LRRC4C: variants seen among roughly 807,000 people sequenced by gnomAD.
LRRC4C encodes the protein leucine-rich repeat-containing protein 4C.
In LRRC4C, 5 loss-of-function variants were observed where a neutral mutation model predicts 33.6. That is an observed-to-expected ratio of 0.15 (90% CI 0.08 to 0.31). LRRC4C has a LOEUF of 0.31. Among genes scored for constraint, LRRC4C ranks in the 10% least tolerant of loss-of-function variants. The pLI, the probability that LRRC4C is intolerant of heterozygous loss-of-function variation, is 1.00. For synonymous variants in LRRC4C, 329 were observed against 302.0 expected (o/e 1.09, Z -0.93); for missense variants, 560 against 796.7 (o/e 0.70, Z 3.58).
Position 40,493,570 on chromosome 11 carries a change from T to C in LRRC4C, c.-270+154572A>G, listed in dbSNP as rs146101153. 6.7e-3 allele frequency among the ~76,000 whole-genome samples: 1,016 copies of C among 152,178 alleles called. 6 individuals carry two copies. The highest frequency in any genetic ancestry group is 0.019 in the African/African-American group (809 of 41,540). ...GAGTAAAGGTAAAAAAAAAATTGTG[T>C]GATTGATGTGTACTCAGAATTGTTC... On this transcript the variant is annotated intron_variant, in intron 3 of 6. Coordinates refer to ENST00000528697, the MANE Select transcript of LRRC4C (RefSeq NM_001258419.2).
chr11:40,835,909 T>C (rs1358773093), intron 2 of LRRC4C, among the ~76,000 whole-genome samples: 1 of 152,200 alleles, frequency 6.6e-6, no homozygotes, highest in African/African-American at 2.4e-5. Context: ...TGTATCTTGT[T>C]AGTTTTGGTC....
At chr11:41,224,654 T>C (rs1947451365) in intron 1 of LRRC4C, among the ~76,000 whole-genome samples, 1 of 152,164 alleles carries the variant, frequency 6.6e-6, no homozygotes, top group South Asian at 2.1e-4. Flanking sequence ...TCCCAGTTGG[T>C]TTTGGAAATA....
intron 1 of LRRC4C, among the ~76,000 whole-genome samples, chr11:41,252,893 C>T (rs760572252): frequency 1.1e-4 from 17 of 152,168 alleles, no homozygotes; most frequent in Non-Finnish European, 1.6e-4. Flanking sequence ...AAGAACAGCA[C>T]GTGAAAGATC....
chr11:40,970,166 C>T (rs554114975), intron 1 of LRRC4C, among the ~76,000 whole-genome samples: 76 of 152,258 alleles, frequency 5.0e-4, no homozygotes, highest in Non-Finnish European at 8.4e-4. Flanking sequence ...GAACCTCAAA[C>T]CAAGAGATGG....
At chr11:40,447,400 G>T (rs1210223787) in intron 3 of LRRC4C, among the ~76,000 whole-genome samples, 1 of 152,090 alleles carries the variant, frequency 6.6e-6, no homozygotes, top group Non-Finnish European at 1.5e-5. Context: ...AAGGATGGAA[G>T]GAAACATGTT....
At chr11:40,713,914 C>T (rs1946587936) in intron 2 of LRRC4C, among the ~76,000 whole-genome samples, 1 of 152,152 alleles carries the variant, frequency 6.6e-6, no homozygotes. Context: ...GAAGAGGGAT[C>T]ATCTGTGTAA....
intron 3 of LRRC4C, among the ~76,000 whole-genome samples, chr11:40,562,934 C>T (rs986162346): frequency 1.4e-5 from 2 of 145,700 alleles, no homozygotes; most frequent in Admixed American, 6.9e-5. Flanking sequence ...CACTCCTTTC[C>T]TTTTTTTTTT....
chr11:40,176,191 A>C lies in LRRC4C; in HGVS notation c.-95-35338T>G, dbSNP rs139609239. Among the ~76,000 whole-genome samples, 839 of 152,294 alleles carry C rather than the reference A, an allele frequency of 5.5e-3. 4 individuals are homozygous for C. Among genetic ancestry groups the C allele is most frequent in the Non-Finnish European group, 8.4e-3 (572 of 68,026 alleles). On this transcript the variant is annotated intron_variant, in intron 5 of 6. Coordinates refer to ENST00000528697, the MANE Select transcript of LRRC4C (RefSeq NM_001258419.2). ...AATATGACCAAATTCACCTAGTTTC[A>C]AAGAGGTTTGGCATGTTTTGAGTAT...
At chr11:40,458,735 A>G (rs1952250006) in intron 3 of LRRC4C, among the ~76,000 whole-genome samples, 1 of 152,192 alleles carries the variant, frequency 6.6e-6, no homozygotes, top group Non-Finnish European at 1.5e-5. Flanking sequence ...CTAGAATTTC[A>G]AATCACTTTG....
chr11:40,420,495 C>T (rs1269608980), intron 3 of LRRC4C, among the ~76,000 whole-genome samples: 1 of 152,196 alleles, frequency 6.6e-6, no homozygotes, highest in African/African-American at 2.4e-5. Flanking sequence ...TTGCTCTGAA[C>T]TCTATCTCCA....
At chr11:40,751,783 G>A (rs1437516422) in intron 2 of LRRC4C, among the ~76,000 whole-genome samples, 2 of 151,986 alleles carry the variant, frequency 1.3e-5, no homozygotes, top group African/African-American at 4.8e-5. Context: ...CCAAAAAGGA[G>A]CCTAAATAGC....
intron 2 of LRRC4C, among the ~76,000 whole-genome samples, chr11:40,825,759 C>T (rs1298579982): frequency 6.6e-6 from 1 of 151,434 alleles, no homozygotes; most frequent in Non-Finnish European, 1.5e-5. Flanking sequence ...ATTTAAGAGT[C>T]TGCCAGAGTC....
At chr11:40,500,499 G>A (rs898313594) in intron 3 of LRRC4C, among the ~76,000 whole-genome samples, 2 of 151,802 alleles carry the variant, frequency 1.3e-5, no homozygotes, top group East Asian at 1.9e-4. Context: ...ACAGTTCCAC[G>A]TGGCTCAGGA....
chr11:40,986,425 G>A (rs186985931), intron 1 of LRRC4C, among the ~76,000 whole-genome samples: 28 of 152,128 alleles, frequency 1.8e-4, no homozygotes, highest in African/African-American at 5.5e-4. Flanking sequence ...TAGCGAGACC[G>A]CATCTCCACT....
intron 2 of LRRC4C, among the ~76,000 whole-genome samples, chr11:40,749,280 C>A (rs1948572627): frequency 6.6e-6 from 1 of 151,814 alleles, no homozygotes; most frequent in Admixed American, 6.6e-5. Flanking sequence ...TCTTTTCATA[C>A]CACAATGGAA....
intron 3 of LRRC4C, among the ~76,000 whole-genome samples, chr11:40,364,041 C>T (rs1229156293): frequency 1.3e-5 from 2 of 152,072 alleles, no homozygotes; most frequent in African/African-American, 4.8e-5. Flanking sequence ...CTAAACAAAA[C>T]TTTAAAGAAA....
At chr11:40,962,292 C>T (rs905438075) in intron 1 of LRRC4C, among the ~76,000 whole-genome samples, 5 of 151,494 alleles carry the variant, frequency 3.3e-5, no homozygotes, top group African/African-American at 1.2e-4. Context: ...AATAGATTCT[C>T]CCCTTCATCA....
At chr11:40,987,453 C>G (rs1047959751) in intron 1 of LRRC4C, among the ~76,000 whole-genome samples, 2 of 151,738 alleles carry the variant, frequency 1.3e-5, no homozygotes, top group African/African-American at 4.8e-5. Flanking sequence ...TCTTGCTCTG[C>G]CTGTTTTCCA....
intron 1 of LRRC4C, among the ~76,000 whole-genome samples, chr11:41,034,606 CGTATATATAT>C (rs763299857): frequency 0.053 from 5,755 of 108,398 alleles, 191 homozygotes; most frequent in Admixed American, 0.09. Context: ...AATATGGTGA[CGTATATATAT>C]ATATATATAT....
Sources: allele counts gnomAD v4.1 joint callset (sites outside exome capture counted in the v4.1 genomes callset), GRCh38; gene constraint gnomAD v4.1.1; transcripts MANE v1.5; gene names NCBI Gene and HGNC (gene_info 2026-07-23, HGNC 2026-07-21).